Variants in COG6 observed in about 807,000 individuals in gnomAD.
The protein encoded by COG6 is conserved oligomeric Golgi complex subunit 6.
COG6 carries 74 observed loss-of-function variants against 88.8 expected under a neutral mutation model. That is an observed-to-expected ratio of 0.83 (90% confidence interval 0.69 to 1.01). COG6 has a LOEUF of 1.01. Ranked by LOEUF, COG6 falls within the 50% of genes least tolerant of loss-of-function variation. The pLI, the probability that COG6 is intolerant of heterozygous loss-of-function variation, is 0.00. For synonymous variants in COG6, 286 were observed against 278.7 expected, an observed-to-expected ratio of 1.03 and a Z score of -0.26; for missense variants, 800 against 797.9, an observed-to-expected ratio of 1.00 and a Z score of -0.03.
chr13:39,656,386 T>A (rs562397570), intron 1 of COG6: 5 of 343,604 alleles, frequency 1.5e-5, no homozygotes, highest in South Asian at 1.1e-4. Flanking sequence ...AGAACTACCT[T>A]TGCCCGTGGC....
intron 13 of COG6, among the ~76,000 whole-genome samples, chr13:39,713,370 G>A (rs1397581984): frequency 6.6e-6 from 1 of 152,152 alleles, no homozygotes; most frequent in Admixed American, 6.6e-5. Flanking sequence ...ATAGTAAAGA[G>A]GGTCTCTTCC....
chr13:39,730,075 A>G (rs890383620), intron 18 of COG6, among the ~76,000 whole-genome samples: 1 of 152,152 alleles, frequency 6.6e-6, no homozygotes, highest in African/African-American at 2.4e-5. Context: ...AACGGTAACA[A>G]TGTAAACTTT....
In COG6 at chr13:39,723,335, C is replaced by T. The variant is rs756253977; in HGVS notation, c.1587C>T (p.Ile529=). The T allele has an allele frequency of 4.4e-5, 70 of 1,592,480 alleles. No homozygotes were observed. The highest frequency in any genetic ancestry group is 8.8e-5 in the South Asian group (8 of 90,638). ...DRRLEMLQFQ[I]EAHLDTLINE... ...GTTTTCTTTGTGTTTTATTTTAGAT[C>T]GAAGCACATTTGGACACACTTATAA... The change falls in exon 16 of 19, where the codon ATC becomes ATT. Residue 529 remains isoleucine (I), a splice_region_variant and synonymous_variant. Coordinates refer to ENST00000455146, the MANE Select transcript of COG6 (RefSeq NM_020751.3).
At chr13:39,687,421 T>C (rs972768868) in intron 8 of COG6, 82 bp from the exon 9 acceptor site, 24 of 1,277,828 alleles carry the variant, frequency 1.9e-5, no homozygotes, top group Non-Finnish European at 2.5e-5. Context: ...AAGTACTTGG[T>C]TGTCTCAGAA....
In COG6 at chr13:39,655,710, G is replaced by T. The variant is rs756107979; in HGVS notation, c.-17G>T. 4.6e-5 allele frequency: 73 copies of T among 1,584,354 alleles called. 2 individuals are homozygous for T. The highest frequency in any genetic ancestry group is 2.1e-4 in the East Asian group (9 of 43,130). ...TGCCTGGCTGAGGTGGCAGCAGGGGGCGGGACGCGCAGCGCTATGGCAGAG... is the reference window on the plus strand; with the variant it reads ...TGCCTGGCTGAGGTGGCAGCAGGGGTCGGGACGCGCAGCGCTATGGCAGAG... On this transcript the variant is annotated 5_prime_UTR_variant, in exon 1 of 19. Transcript: ENST00000455146.
intron 18 of COG6, among the ~76,000 whole-genome samples, chr13:39,735,706 CT>C (rs747873961): frequency 1.0e-3 from 113 of 108,058 alleles, no homozygotes; most frequent in East Asian, 5.4e-3. Context: ...TGATGAAGTC[CT>C]TTTTTTTTTT....
At chr13:39,679,018 C>T (rs1461730682) in intron 5 of COG6, among the ~76,000 whole-genome samples, 1 of 152,054 alleles carries the variant, frequency 6.6e-6, no homozygotes, top group East Asian at 1.9e-4. Context: ...ACTCTGAAAC[C>T]TAAGCCTCCA....
intron 1 of COG6, among the ~76,000 whole-genome samples, chr13:39,658,723 G>A (rs536612941): frequency 1.3e-5 from 2 of 152,122 alleles, no homozygotes; most frequent in Non-Finnish European, 2.9e-5. Context: ...TCTGTGGAAG[G>A]CTTTGTCCCC....
chr13:39,720,069 T>A (rs1335436983), intron 15 of COG6, among the ~76,000 whole-genome samples: 1 of 151,640 alleles, frequency 6.6e-6, no homozygotes, highest in Non-Finnish European at 1.5e-5. Context: ...AACCAGAATG[T>A]GTAATGTTTA....
chr13:39,661,542 A>G (rs9532413), intron 3 of COG6, among the ~76,000 whole-genome samples: 62,812 of 151,938 alleles, frequency 0.41, 13,289 homozygotes, highest in Admixed American at 0.57. Flanking sequence ...CAGATTAATC[A>G]CAGGCTACTT....
chr13:39,698,539 G>C (rs569828129), intron 12 of COG6, among the ~76,000 whole-genome samples: 1 of 151,570 alleles, frequency 6.6e-6, no homozygotes, highest in African/African-American at 2.4e-5. Context: ...TTTTGGTTTC[G>C]GAATTGTACT....
intron 18 of COG6, among the ~76,000 whole-genome samples, chr13:39,741,278 G>A (rs1196525587): frequency 3.9e-5 from 6 of 152,136 alleles, no homozygotes; most frequent in Admixed American, 3.3e-4. Context: ...ACAGAAGTAG[G>A]CTTCAGAAAG....
intron 12 of COG6, among the ~76,000 whole-genome samples, chr13:39,695,198 C>T (rs1877207563): frequency 2.0e-5 from 3 of 151,608 alleles, no homozygotes; most frequent in Non-Finnish European, 3.0e-5. Context: ...ATGTAAATAA[C>T]CTAAATTCTT....
At chr13:39,785,390 C>G (rs1175208317) in intron 18 of COG6, 1 of 152,142 alleles carries the variant, frequency 6.6e-6, no homozygotes, top group Non-Finnish European at 1.5e-5. Flanking sequence ...CTGGTAAATA[C>G]TACCTTCTCA....
At chr13:39,699,663 A>T in intron 13 of COG6, 45 bp downstream of exon 13, 2 of 907,600 alleles carry the variant, frequency 2.2e-6, no homozygotes, top group South Asian at 2.7e-5. Flanking sequence ...AATGTTTCAC[A>T]TTAAAGATGT....
intron 18 of COG6, among the ~76,000 whole-genome samples, chr13:39,784,586 T>C (rs1050164954): frequency 1.3e-5 from 2 of 152,212 alleles, no homozygotes; most frequent in Non-Finnish European, 2.9e-5. Flanking sequence ...TTTAGTTTAC[T>C]GTAAAGGAGT....
intron 15 of COG6, among the ~76,000 whole-genome samples, chr13:39,720,587 T>C (rs928321645): frequency 1.1e-4 from 17 of 152,062 alleles, no homozygotes; most frequent in African/African-American, 3.9e-4. Flanking sequence ...TTTTCCATAT[T>C]TGTGGTTTAA....
chr13:39,665,035 T>A, intron 3 of COG6, 61 bp from the exon 4 acceptor site: 2 of 819,992 alleles, frequency 2.4e-6, no homozygotes, highest in Non-Finnish European at 4.2e-6. Flanking sequence ...GTGGTAGTAT[T>A]TGTTTTCTGA....
intron 4 of COG6, among the ~76,000 whole-genome samples, chr13:39,674,995 AC>A (rs1249918614): frequency 3.3e-5 from 5 of 152,150 alleles, no homozygotes; most frequent in African/African-American, 1.2e-4. Flanking sequence ...AACTTTTTAT[AC>A]CTATAAAATG....
Sources: allele counts gnomAD v4.1 joint callset (sites outside exome capture counted in the v4.1 genomes callset), GRCh38; gene constraint gnomAD v4.1.1; transcripts MANE v1.5; gene names NCBI Gene and HGNC (gene_info 2026-07-23, HGNC 2026-07-21).